Variants in DLG2 observed in about 807,000 individuals in gnomAD.
DLG2 encodes discs large MAGUK scaffold protein 2.
DLG2 carries 45 observed loss-of-function variants against 132.5 expected under a neutral mutation model. That is an observed-to-expected ratio of 0.34 (90% CI 0.27 to 0.44). The LOEUF is 0.44. Ranked by LOEUF, DLG2 falls within the 20% of genes least tolerant of loss-of-function variation. The pLI is 1.00. For missense variants in DLG2, 1,045 were observed against 1,196.9 expected, an observed-to-expected ratio of 0.87 and a Z score of 1.87; for synonymous variants, 424 against 419.6, an observed-to-expected ratio of 1.01 and a Z score of -0.13.
At chr11:85,380,070 A>G (rs1319612011) in intron 3 of DLG2, among the ~76,000 whole-genome samples, 1 of 152,222 alleles carries the variant, frequency 6.6e-6, no homozygotes, top group Non-Finnish European at 1.5e-5. Context: ...CAAGATTTTT[A>G]CACACATAAG....
At chr11:85,589,390 G>T (rs553989547) in intron 3 of DLG2, among the ~76,000 whole-genome samples, 254 of 152,268 alleles carry the variant, frequency 1.7e-3, no homozygotes, top group Non-Finnish European at 2.8e-3. Context: ...CAAGATAAGT[G>T]TTCAGGTTTC....
intron 9 of DLG2, among the ~76,000 whole-genome samples, chr11:84,117,604 T>G (rs979000888): frequency 6.6e-6 from 1 of 152,194 alleles, no homozygotes; most frequent in Non-Finnish European, 1.5e-5. Flanking sequence ...GACTCACCAG[T>G]TGGGTTCAGA....
chr11:85,274,875 G>T (rs1362746686), intron 4 of DLG2, among the ~76,000 whole-genome samples: 1 of 152,128 alleles, frequency 6.6e-6, no homozygotes, highest in East Asian at 1.9e-4. Flanking sequence ...AATCTAAACA[G>T]ACAGGCCTTG....
chr11:84,697,801 A>T (rs1417371702), intron 6 of DLG2, among the ~76,000 whole-genome samples: 1 of 151,534 alleles, frequency 6.6e-6, no homozygotes, highest in East Asian at 1.9e-4. Context: ...TTTTCTTTTC[A>T]AAGTATTTTC....
chr11:85,587,192 T>C (rs1165880062), intron 3 of DLG2, among the ~76,000 whole-genome samples: 2 of 152,178 alleles, frequency 1.3e-5, no homozygotes, highest in Non-Finnish European at 2.9e-5. Flanking sequence ...GGGTAGAATG[T>C]TCTGTAAATA....
At chr11:85,316,639 G>C (rs564421098) in intron 3 of DLG2, among the ~76,000 whole-genome samples, 1 of 151,912 alleles carries the variant, frequency 6.6e-6, no homozygotes, top group South Asian at 2.1e-4. Context: ...GCTAAAGATA[G>C]GATACAACTG....
At chr11:84,236,924 TTTTTTTTTTTG>T (rs1166291834) in intron 8 of DLG2, among the ~76,000 whole-genome samples, 25 of 140,692 alleles carry the variant, frequency 1.8e-4, no homozygotes, top group African/African-American at 6.8e-4. Flanking sequence ...CATCAGTATG[TTTTTTTTTTTG>T]TTTTTTTTTT....
At chr11:85,372,076 C>G (rs2085024727) in intron 3 of DLG2, among the ~76,000 whole-genome samples, 1 of 152,210 alleles carries the variant, frequency 6.6e-6, no homozygotes, top group Non-Finnish European at 1.5e-5. Context: ...TTTAGACTAA[C>G]CCTGCTTGTT....
At chr11:83,563,229 G>C (rs11233676) in intron 19 of DLG2, among the ~76,000 whole-genome samples, 5 of 151,820 alleles carry the variant, frequency 3.3e-5, no homozygotes, top group South Asian at 2.1e-4. Flanking sequence ...CGCCCGCCTC[G>C]GCCTCCCAAA....
intron 19 of DLG2, among the ~76,000 whole-genome samples, chr11:83,597,301 C>T (rs1229356054): frequency 6.6e-6 from 1 of 152,146 alleles, no homozygotes; most frequent in Non-Finnish European, 1.5e-5. Flanking sequence ...TGTGCCTCCA[C>T]TGTACCCACA....
intron 9 of DLG2, among the ~76,000 whole-genome samples, chr11:84,123,824 C>T (rs1187365818): frequency 6.6e-6 from 1 of 152,142 alleles, no homozygotes; most frequent in African/African-American, 2.4e-5. Context: ...AGCAGGTCTA[C>T]TTACCACATC....
rs144411804 is a variant in DLG2, at chr11:83,511,751, C to T, written c.2193+20957G>A. 5.6e-3 allele frequency among the ~76,000 whole-genome samples: 829 copies of T among 147,620 alleles called. 12 individuals are homozygous for T. The highest frequency in any genetic ancestry group is 0.019 in the African/African-American group (778 of 39,954). ...CTTTTTTTTTTTTTTTTTTAAAGAGCCAGGGTCTCATTATGTTGCCCAGGC... is the reference window on the plus strand; with the variant it reads ...CTTTTTTTTTTTTTTTTTTAAAGAGTCAGGGTCTCATTATGTTGCCCAGGC... On this transcript the variant is annotated intron_variant, in intron 21 of 27. Transcript: ENST00000376104.
At chr11:83,568,283 T>C (rs1390489189) in intron 19 of DLG2, among the ~76,000 whole-genome samples, 1 of 152,108 alleles carries the variant, frequency 6.6e-6, no homozygotes, top group Non-Finnish European at 1.5e-5. Flanking sequence ...TCAGGGATGA[T>C]GTTGAGGATT....
intron 19 of DLG2, among the ~76,000 whole-genome samples, chr11:83,560,803 C>T (rs540698628): frequency 1.3e-5 from 2 of 151,662 alleles, no homozygotes; most frequent in East Asian, 2.0e-4. Flanking sequence ...ACAGGGTCCT[C>T]GATTGTAACT....
intron 17 of DLG2, among the ~76,000 whole-genome samples, chr11:83,794,843 T>C (rs1281682068): frequency 1.3e-5 from 2 of 152,114 alleles, no homozygotes; most frequent in Non-Finnish European, 2.9e-5. Context: ...TAATATCCTG[T>C]CTAATTCCGA....
At chr11:85,100,482 C>G (rs1417960493) in intron 6 of DLG2, among the ~76,000 whole-genome samples, 1 of 152,112 alleles carries the variant, frequency 6.6e-6, no homozygotes, top group African/African-American at 2.4e-5. Context: ...TTAACAAGGT[C>G]TGCTTGACTC....
At chr11:84,638,568 T>G (rs72943782) in intron 6 of DLG2, among the ~76,000 whole-genome samples, 6,745 of 152,292 alleles carry the variant, frequency 0.044, 325 homozygotes, top group Non-Finnish European at 0.051. Context: ...CTGGCTTTAA[T>G]GTACATACTT....
At chr11:84,227,094 T>G (rs2097009970) in intron 8 of DLG2, among the ~76,000 whole-genome samples, 1 of 151,530 alleles carries the variant, frequency 6.6e-6, no homozygotes, top group African/African-American at 2.4e-5. Context: ...TAAAAATTAA[T>G]TAATTAATTA....
In DLG2 at chr11:84,763,356, G is replaced by T. The variant is rs894955086; in HGVS notation, c.358-228625C>A. 5 of 152,096 alleles carry T rather than the reference G, an allele frequency of 3.3e-5. No homozygotes were observed. The East Asian group carries it at 7.7e-4, about 23-fold the overall frequency. 9.4% of individuals were successfully genotyped at this position (152,096 alleles called of 1,614,324 possible). A position where few individuals can be genotyped will look rare whatever the true frequency, so the allele number is the denominator to read the frequency against. ...ATGCTAATCAGGCTGGAAGTGTATC[G>T]TAAGTCCTCACTGATACTCACATTC... On this transcript the variant is annotated intron_variant, in intron 6 of 27. Transcript: ENST00000376104.
Sources: gnomAD v4.1 joint callset for allele counts (sites outside exome capture counted in the v4.1 genomes callset) on GRCh38, gnomAD v4.1.1 for gene constraint, MANE v1.5 for transcripts, NCBI Gene and HGNC (gene_info 2026-07-23, HGNC 2026-07-21) for gene names.